The following TNFSF4 variants were observed in gnomAD, a reference collection of about 807,000 sequenced individuals.
TNFSF4 encodes tumor necrosis factor ligand superfamily member 4.
Under a neutral mutation model 7.3 loss-of-function variants are expected in TNFSF4, and 4 were observed. The observed-to-expected ratio is 0.55, with a 90% CI of 0.27 to 1.25. TNFSF4 has a LOEUF of 1.25. Ranked by LOEUF, TNFSF4 falls within the 50% of genes most tolerant of loss-of-function variation. The pLI, the probability that TNFSF4 is intolerant of heterozygous loss-of-function variation, is 0.12. For synonymous variants in TNFSF4, 76 were observed against 83.7 expected (o/e 0.91, Z 0.50); for missense variants, 181 against 208.8 (o/e 0.87, Z 0.82).
At chr1:173,335,914 G>A in the TNFSF4 span, among the ~76,000 whole-genome samples, 2 of 152,162 alleles carry the variant, frequency 1.3e-5, no homozygotes, top group African/African-American at 4.8e-5. Flanking sequence ...CTGAACACTG[G>A]TTCTGAACTG....
the TNFSF4 span, among the ~76,000 whole-genome samples, chr1:173,256,913 G>C: frequency 2.0e-5 from 3 of 152,340 alleles, no homozygotes; most frequent in African/African-American, 7.2e-5. Flanking sequence ...TTCCATTGTG[G>C]TTTAAATATA....
the TNFSF4 span, among the ~76,000 whole-genome samples, chr1:173,361,409 G>A: frequency 6.6e-6 from 1 of 152,176 alleles, no homozygotes; most frequent in Non-Finnish European, 1.5e-5. Flanking sequence ...GACCAGCCTG[G>A]CCAACATGGT....
the TNFSF4 span, among the ~76,000 whole-genome samples, chr1:173,353,250 T>A: frequency 1.3e-5 from 2 of 152,194 alleles, no homozygotes; most frequent in African/African-American, 4.8e-5. Context: ...ATTGGGGAAG[T>A]GATAAATATC....
chr1:173,319,273 C>G, the TNFSF4 span, among the ~76,000 whole-genome samples: 1 of 152,122 alleles, frequency 6.6e-6, no homozygotes, highest in Non-Finnish European at 1.5e-5. Context: ...GAGACTGTGG[C>G]CAGACTGTTT....
At chr1:173,245,932 G>C in the TNFSF4 span, among the ~76,000 whole-genome samples, 1 of 152,098 alleles carries the variant, frequency 6.6e-6, no homozygotes, top group African/African-American at 2.4e-5. Flanking sequence ...TCATTTTGTT[G>C]CTGAATAGTA....
At chr1:173,383,663 A>T in the TNFSF4 span, among the ~76,000 whole-genome samples, 4 of 151,988 alleles carry the variant, frequency 2.6e-5, no homozygotes, top group Admixed American at 2.6e-4. Flanking sequence ...ACAGAGAATT[A>T]AGCAATTTAA....
At chr1:173,420,247 G>A in the TNFSF4 span, among the ~76,000 whole-genome samples, 1 of 151,968 alleles carries the variant, frequency 6.6e-6, no homozygotes, top group African/African-American at 2.4e-5. Context: ...TACTCAACCT[G>A]AAGCTTCTCC....
the TNFSF4 span, among the ~76,000 whole-genome samples, chr1:173,393,533 GT>G: frequency 6.6e-6 from 1 of 152,190 alleles, no homozygotes; most frequent in African/African-American, 2.4e-5. Flanking sequence ...GGGAACACAA[GT>G]TCAACTATTT....
the TNFSF4 span, among the ~76,000 whole-genome samples, chr1:173,247,414 GT>G: frequency 3.7e-4 from 57 of 152,136 alleles, no homozygotes; most frequent in African/African-American, 1.3e-3. Flanking sequence ...GTTTTAGTGA[GT>G]TTTTTTTAAA....
At chr1:173,285,445 G>A in the TNFSF4 span, among the ~76,000 whole-genome samples, 1 of 152,294 alleles carries the variant, frequency 6.6e-6, no homozygotes, top group South Asian at 2.1e-4. Flanking sequence ...TAAAACAGCA[G>A]CAAGGTTTGA....
chr1:173,231,094 A>T, the TNFSF4 span, among the ~76,000 whole-genome samples: 4 of 152,236 alleles, frequency 2.6e-5, no homozygotes, highest in Non-Finnish European at 5.9e-5. Context: ...AACTCACTTT[A>T]TGAGGCCAGC....
downstream of TNFSF4, chr1:173,183,621 G>A (rs1198729600): frequency 6.6e-6 from 1 of 152,134 alleles, no homozygotes; most frequent in Non-Finnish European, 1.5e-5. Flanking sequence ...GCTAAAACTG[G>A]AGGCAAGTAG....
chr1:173,353,876 T>C, the TNFSF4 span, among the ~76,000 whole-genome samples: 4 of 152,294 alleles, frequency 2.6e-5, no homozygotes, highest in East Asian at 1.9e-4. Context: ...ATCATCTTCA[T>C]AGCAATAAGA....
the TNFSF4 span, among the ~76,000 whole-genome samples, chr1:173,246,058 A>C: frequency 6.6e-6 from 1 of 152,234 alleles, no homozygotes; most frequent in South Asian, 2.1e-4. Context: ...GGGAATTTCA[A>C]ATACTGACTA....
chr1:173,381,552 G>A, the TNFSF4 span, among the ~76,000 whole-genome samples: 1 of 152,132 alleles, frequency 6.6e-6, no homozygotes, highest in Admixed American at 6.5e-5. Flanking sequence ...CTTACAAATG[G>A]AACCCCAAAT....
the TNFSF4 span, among the ~76,000 whole-genome samples, chr1:173,245,240 A>G: frequency 3.9e-5 from 6 of 152,248 alleles, no homozygotes; most frequent in Non-Finnish European, 5.9e-5. Context: ...CTAGGTGATC[A>G]ATAAAGATAC....
At chr1:173,231,686 G>A in the TNFSF4 span, among the ~76,000 whole-genome samples, 33 of 152,166 alleles carry the variant, frequency 2.2e-4, no homozygotes, top group South Asian at 2.5e-3. Flanking sequence ...CCTCTTTGCC[G>A]ATGACATGAT....
chr1:173,230,181 A>C, the TNFSF4 span, among the ~76,000 whole-genome samples: 1 of 152,224 alleles, frequency 6.6e-6, no homozygotes, highest in Non-Finnish European at 1.5e-5. Flanking sequence ...ACGTAGTTGG[A>C]AGTAAAGCAC....
chr1:173,424,680 A>G, the TNFSF4 span, among the ~76,000 whole-genome samples: 1 of 152,252 alleles, frequency 6.6e-6, no homozygotes, highest in African/African-American at 2.4e-5. Flanking sequence ...GTCCCACAAA[A>G]AAGAGTGAGG....
Sources: gnomAD v4.1 joint callset for allele counts (sites outside exome capture counted in the v4.1 genomes callset) on GRCh38, gnomAD v4.1.1 for gene constraint, MANE v1.5 for transcripts, NCBI Gene and HGNC (gene_info 2026-07-23, HGNC 2026-07-21) for gene names.